Variants in ADAMTSL1 observed in about 807,000 individuals in gnomAD.
The protein encoded by ADAMTSL1 is ADAMTS-like protein 1.
ADAMTSL1 carries 126 observed loss-of-function variants against 201.8 expected under a neutral mutation model. The observed-to-expected ratio is 0.62, with a 90% CI of 0.54 to 0.72. The LOEUF is 0.72. Among genes scored for constraint, ADAMTSL1 ranks in the 30% least tolerant of loss-of-function variants. The pLI is 0.00. For synonymous variants in ADAMTSL1, 1,121 were observed against 903.4 expected (o/e 1.24, Z -4.32); for missense variants, 2,679 against 2,277.8 (o/e 1.18, Z -3.59).
intron 20 of ADAMTSL1, among the ~76,000 whole-genome samples, chr9:18,799,210 T>A (rs2131070138): frequency 6.6e-6 from 1 of 152,270 alleles, no homozygotes. Context: ...AGGGAGGAGA[T>A]TATAGGAATG....
intron 15 of ADAMTSL1, among the ~76,000 whole-genome samples, chr9:18,739,069 T>A (rs891863282): frequency 6.6e-6 from 1 of 152,162 alleles, no homozygotes; most frequent in African/African-American, 2.4e-5. Context: ...GCCCTATATA[T>A]AAAATGGTAT....
intron 18 of ADAMTSL1, among the ~76,000 whole-genome samples, chr9:18,776,175 G>C (rs930145154): frequency 9.9e-5 from 15 of 151,276 alleles, no homozygotes; most frequent in Non-Finnish European, 1.5e-4. Flanking sequence ...GCTGGAGGCA[G>C]TGTATTACTA....
At chr9:18,580,048 C>G (rs1174088499) in intron 4 of ADAMTSL1, among the ~76,000 whole-genome samples, 1 of 151,822 alleles carries the variant, frequency 6.6e-6, no homozygotes, top group East Asian at 1.9e-4. Context: ...TGATATATGT[C>G]AAAAGAAAAA....
intron 16 of ADAMTSL1, among the ~76,000 whole-genome samples, chr9:18,756,909 A>T (rs2133635308): frequency 6.6e-6 from 1 of 152,376 alleles, no homozygotes; most frequent in South Asian, 2.1e-4. Flanking sequence ...CCAGATAGGA[A>T]TGCAACCTTC....
intron 13 of ADAMTSL1, among the ~76,000 whole-genome samples, chr9:18,702,910 C>G (rs1173899751): frequency 6.6e-6 from 1 of 151,966 alleles, no homozygotes; most frequent in Non-Finnish European, 1.5e-5. Flanking sequence ...TTACAGGTGC[C>G]TGCCACCATG....
At chr9:18,834,087 T>C (rs1825166028) in intron 23 of ADAMTSL1, among the ~76,000 whole-genome samples, 1 of 152,190 alleles carries the variant, frequency 6.6e-6, no homozygotes, top group African/African-American at 2.4e-5. Context: ...TTGGTGACCA[T>C]AGCCCTGTAA....
intron 2 of ADAMTSL1, among the ~76,000 whole-genome samples, chr9:18,336,309 ATT>A (rs763640009): frequency 4.7e-4 from 65 of 139,742 alleles, no homozygotes; most frequent in Admixed American, 5.8e-4. Flanking sequence ...ATGTAATTTC[ATT>A]TTTTTTTTTT....
At chr9:18,750,859 T>C (rs1304597281) in intron 15 of ADAMTSL1, among the ~76,000 whole-genome samples, 1 of 152,176 alleles carries the variant, frequency 6.6e-6, no homozygotes, top group Non-Finnish European at 1.5e-5. Context: ...GGCTGGCAAG[T>C]TGATGCTGAT....
At chr9:18,649,702 A>C (rs1304607539) in intron 7 of ADAMTSL1, among the ~76,000 whole-genome samples, 1 of 152,176 alleles carries the variant, frequency 6.6e-6, no homozygotes, top group African/African-American at 2.4e-5. Flanking sequence ...ACAGAACTGC[A>C]GATTTTCATG....
chr9:18,673,687 A>G (rs1231476002), intron 9 of ADAMTSL1, among the ~76,000 whole-genome samples: 1 of 152,186 alleles, frequency 6.6e-6, no homozygotes, highest in East Asian at 1.9e-4. Flanking sequence ...GCAACAGTTT[A>G]TTCTAATATT....
intron 2 of ADAMTSL1, among the ~76,000 whole-genome samples, chr9:18,415,013 A>G (rs1464124790): frequency 6.6e-6 from 1 of 152,120 alleles, no homozygotes; most frequent in African/African-American, 2.4e-5. Flanking sequence ...TCTAAATACA[A>G]CTCTGGCCTT....
intron 1 of ADAMTSL1, among the ~76,000 whole-genome samples, chr9:17,979,272 T>C (rs536181253): frequency 3.9e-5 from 6 of 152,162 alleles, no homozygotes; most frequent in African/African-American, 1.4e-4. Context: ...TCCTTTCTCT[T>C]TCTTTTCTTC....
intron 1 of ADAMTSL1, among the ~76,000 whole-genome samples, chr9:17,996,338 A>G (rs1819380688): frequency 6.6e-6 from 1 of 152,038 alleles, no homozygotes; most frequent in African/African-American, 2.4e-5. Context: ...TCCTTGGCAC[A>G]CAAACCTGGA....
intron 14 of ADAMTSL1, among the ~76,000 whole-genome samples, chr9:18,709,473 G>A (rs1182210259): frequency 6.6e-6 from 1 of 152,188 alleles, no homozygotes; most frequent in Non-Finnish European, 1.5e-5. Flanking sequence ...CTCAAGAGAT[G>A]AAATTGGATA....
At chr9:18,051,671 TACTC>T (rs1394429583) in intron 1 of ADAMTSL1, among the ~76,000 whole-genome samples, 1 of 152,188 alleles carries the variant, frequency 6.6e-6, no homozygotes, top group Admixed American at 6.5e-5. Context: ...TTATCAGTCT[TACTC>T]ATGGCACAAA....
intron 2 of ADAMTSL1, among the ~76,000 whole-genome samples, chr9:18,424,456 A>G (rs1819110264): frequency 6.6e-6 from 1 of 152,220 alleles, no homozygotes; most frequent in African/African-American, 2.4e-5. Flanking sequence ...ATTACCATCA[A>G]TCAATATATA....
chr9:18,545,015 T>G (rs1820390196), intron 3 of ADAMTSL1, among the ~76,000 whole-genome samples: 1 of 152,194 alleles, frequency 6.6e-6, no homozygotes, highest in Non-Finnish European at 1.5e-5. Context: ...GGCAGACAGC[T>G]TTCATCTCTT....
At chr9:18,317,213 A>T (rs1834436431) in intron 2 of ADAMTSL1, among the ~76,000 whole-genome samples, 1 of 152,132 alleles carries the variant, frequency 6.6e-6, no homozygotes, top group South Asian at 2.1e-4. Context: ...AGAGTAAAAC[A>T]GTGATTACCA....
intron 1 of ADAMTSL1, among the ~76,000 whole-genome samples, chr9:18,031,682 T>G (rs551567446): frequency 6.6e-6 from 1 of 152,300 alleles, no homozygotes; most frequent in East Asian, 1.9e-4. Context: ...TGGTGGAGCC[T>G]TTTCCAATCG....
Sources: allele counts gnomAD v4.1 joint callset (sites outside exome capture counted in the v4.1 genomes callset), GRCh38; gene constraint gnomAD v4.1.1; transcripts MANE v1.5; gene names NCBI Gene and HGNC (gene_info 2026-07-23, HGNC 2026-07-21).